Variants in PRKG1 observed in about 807,000 individuals in gnomAD.
PRKG1 encodes cGMP-dependent protein kinase 1.
Under a neutral mutation model 88.1 loss-of-function variants are expected in PRKG1, and 35 were observed. That is an observed-to-expected ratio of 0.40 (90% CI 0.30 to 0.53). PRKG1 has a LOEUF of 0.53. PRKG1 is among the 20% of genes least tolerant of loss of function. PRKG1 has a pLI of 0.59. For synonymous variants in PRKG1, 303 were observed against 292.5 expected, an observed-to-expected ratio of 1.04 and a Z score of -0.37; for missense variants, 540 against 839.8, an observed-to-expected ratio of 0.64 and a Z score of 4.41.
chr10:51,125,273 A>G (rs1015059363), intron 1 of PRKG1, among the ~76,000 whole-genome samples: 2 of 152,120 alleles, frequency 1.3e-5, no homozygotes, highest in African/African-American at 4.8e-5. Context: ...GCAGTGAGCC[A>G]AGATAGCACC....
intron 5 of PRKG1, among the ~76,000 whole-genome samples, chr10:52,047,413 G>A (rs576104766): frequency 2.6e-5 from 4 of 152,228 alleles, no homozygotes; most frequent in South Asian, 4.1e-4. Context: ...ACCATGGATT[G>A]GAGATCAGAG....
intron 7 of PRKG1, among the ~76,000 whole-genome samples, chr10:52,102,213 A>G (rs1847310220): frequency 6.6e-6 from 1 of 152,118 alleles, no homozygotes; most frequent in African/African-American, 2.4e-5. Context: ...ACATTGGACA[A>G]TGCCCCTGGG....
intron 4 of PRKG1, among the ~76,000 whole-genome samples, chr10:51,864,643 T>C (rs1343659014): frequency 2.6e-5 from 4 of 152,184 alleles, no homozygotes; most frequent in South Asian, 2.1e-4. Flanking sequence ...AACTAGAAGA[T>C]TGGGTATATT....
At chr10:51,405,136 A>T (rs1436989132) in intron 2 of PRKG1, among the ~76,000 whole-genome samples, 1 of 152,126 alleles carries the variant, frequency 6.6e-6, no homozygotes, top group East Asian at 1.9e-4. Context: ...GATAATGTTT[A>T]TTTTTGTGCC....
intron 5 of PRKG1, among the ~76,000 whole-genome samples, chr10:52,033,618 C>G (rs2133213886): frequency 6.6e-6 from 1 of 152,222 alleles, no homozygotes; most frequent in East Asian, 1.9e-4. Flanking sequence ...ACTACTATTA[C>G]CAGTAGTGAC....
chr10:51,288,490 A>T (rs1401105228), intron 2 of PRKG1, among the ~76,000 whole-genome samples: 1 of 152,198 alleles, frequency 6.6e-6, no homozygotes, highest in African/African-American at 2.4e-5. Context: ...GCAGTTTTAA[A>T]GGGACTGAGT....
intron 2 of PRKG1, among the ~76,000 whole-genome samples, chr10:51,335,011 T>TC (rs891186876): frequency 2.9e-5 from 4 of 138,810 alleles, no homozygotes; most frequent in African/African-American, 1.1e-4. Flanking sequence ...TTTTTTTTTT[T>TC]TTTTTTTTTT....
At chr10:51,737,737 A>ATTTT (rs752573946) in intron 3 of PRKG1, among the ~76,000 whole-genome samples, 2 of 137,166 alleles carry the variant, frequency 1.5e-5, no homozygotes, top group Admixed American at 1.5e-4. Context: ...TTATTTATTT[A>ATTTT]TTAATTATTA....
chr10:51,918,593 G>A (rs1589420818), intron 5 of PRKG1, among the ~76,000 whole-genome samples: 1 of 152,146 alleles, frequency 6.6e-6, no homozygotes, highest in African/African-American at 2.4e-5. Flanking sequence ...CGAAATGGTT[G>A]CTCTGTAAGA....
intron 3 of PRKG1, among the ~76,000 whole-genome samples, chr10:51,542,280 C>T (rs1040660228): frequency 6.6e-6 from 1 of 152,146 alleles, no homozygotes; most frequent in Non-Finnish European, 1.5e-5. Context: ...AAAAACATAA[C>T]AGCAACTAAC....
chr10:51,894,186 A>G (rs1288179844), intron 4 of PRKG1, among the ~76,000 whole-genome samples: 1 of 152,202 alleles, frequency 6.6e-6, no homozygotes, highest in Non-Finnish European at 1.5e-5. Flanking sequence ...ATTTTAAGTT[A>G]TCATATACCA....
intron 2 of PRKG1, among the ~76,000 whole-genome samples, chr10:51,206,262 C>A (rs868553399): frequency 1.3e-5 from 2 of 151,710 alleles, no homozygotes; most frequent in South Asian, 4.2e-4. Context: ...GAGGCCGAGG[C>A]GGGTGGATCA....
chr10:51,973,207 T>C (rs1843750994), intron 5 of PRKG1, among the ~76,000 whole-genome samples: 1 of 152,188 alleles, frequency 6.6e-6, no homozygotes, highest in Admixed American at 6.6e-5. Flanking sequence ...TGAAAAACAC[T>C]GTTGCTATGA....
At chr10:51,147,008 C>G (rs142991212) in intron 1 of PRKG1, among the ~76,000 whole-genome samples, 193 of 152,152 alleles carry the variant, frequency 1.3e-3, no homozygotes, top group African/African-American at 4.2e-3. Flanking sequence ...ATAGATGAAC[C>G]TGGAGGACAT....
At chr10:51,372,658 TG>T (rs779670366) in intron 2 of PRKG1, among the ~76,000 whole-genome samples, 1 of 152,184 alleles carries the variant, frequency 6.6e-6, no homozygotes, top group Non-Finnish European at 1.5e-5. Context: ...CTTCTCTTCC[TG>T]AAGCTTTTTA....
At chr10:52,156,871 T>C (rs1380550712) in intron 8 of PRKG1, among the ~76,000 whole-genome samples, 1 of 151,624 alleles carries the variant, frequency 6.6e-6, no homozygotes, top group Non-Finnish European at 1.5e-5. Context: ...AAGATTTAGA[T>C]GAGATTCAGG....
intron 4 of PRKG1, among the ~76,000 whole-genome samples, chr10:51,896,404 T>C (rs1182433158): frequency 6.6e-6 from 1 of 152,022 alleles, no homozygotes; most frequent in Admixed American, 6.6e-5. Flanking sequence ...GATATCATCT[T>C]ATTTTTGAGG....
intron 3 of PRKG1, among the ~76,000 whole-genome samples, chr10:51,763,528 C>G (rs1838077497): frequency 6.7e-6 from 1 of 149,624 alleles, no homozygotes; most frequent in Admixed American, 6.7e-5. Context: ...GCTGGGATTA[C>G]AGTCATGAGC....
intron 1 of PRKG1, among the ~76,000 whole-genome samples, chr10:51,101,448 G>C (rs1844678779): frequency 6.6e-6 from 1 of 152,118 alleles, no homozygotes; most frequent in African/African-American, 2.4e-5. Context: ...ATTTGTTATG[G>C]CAGCCCAAGA....
Sources: allele counts gnomAD v4.1 joint callset (sites outside exome capture counted in the v4.1 genomes callset), GRCh38; gene constraint gnomAD v4.1.1; transcripts MANE v1.5; gene names NCBI Gene and HGNC (gene_info 2026-07-23, HGNC 2026-07-21).